The following PELP1 variants were observed in gnomAD, a reference collection of about 807,000 sequenced individuals.
PELP1 encodes proline, glutamate and leucine rich protein 1, also known as proline-, glutamic acid- and leucine-rich protein 1.
PELP1 carries 32 observed loss-of-function variants against 95.5 expected under a neutral mutation model. That is an observed-to-expected ratio of 0.34 (90% CI 0.25 to 0.45). The LOEUF (loss-of-function observed/expected upper bound fraction) is 0.45, where lower values mean the gene tolerates loss of function less well. Ranked by LOEUF, PELP1 falls within the 20% of genes least tolerant of loss-of-function variation. The pLI is 1.00. For synonymous variants in PELP1, 668 were observed against 600.1 expected, an observed-to-expected ratio of 1.11 and a Z score of -1.65; for missense variants, 1,358 against 1,444.8, an observed-to-expected ratio of 0.94 and a Z score of 0.97.
chr17:4,673,605 G>A lies in PELP1; in HGVS notation c.1638+14C>T, dbSNP rs748916138. ...CCCCTTCCCCTATCTCCACGGAGACGAGGCTCCACTAACCCTGTGAGTCTC... is the reference window on the plus strand; with the variant it reads ...CCCCTTCCCCTATCTCCACGGAGACAAGGCTCCACTAACCCTGTGAGTCTC... On this transcript the variant is annotated intron_variant, in intron 14 of 16. Coordinates refer to ENST00000572293, the MANE Select transcript of PELP1 (RefSeq NM_014389.3). The surrounding 1 kb of genome is among the most constrained non-coding windows in gnomAD (Gnocchi z 5.7). 3.9e-5 allele frequency: 63 copies of A among 1,612,412 alleles called. No individual in the cohort carries two copies. The highest frequency in any genetic ancestry group is 6.7e-5 in the Admixed American group (4 of 59,998).
intron 3 of PELP1, among the ~76,000 whole-genome samples, chr17:4,690,335 G>A (rs934128511): frequency 2.6e-5 from 4 of 152,046 alleles, no homozygotes; most frequent in African/African-American, 7.3e-5. Flanking sequence ...TACACTGCTC[G>A]GGTGATGGGT....
At position 4,673,691 on chromosome 17, in the gene PELP1, G is replaced by T. The variant is rs555140131; in HGVS notation, c.1583-17C>A. The T allele has an allele frequency of 1.9e-6, 3 of 1,612,104 alleles. No individual in the cohort carries two copies. Among genetic ancestry groups the T allele is most frequent in the Non-Finnish European group, 2.5e-6 (3 of 1,178,176 alleles). On this transcript the variant is annotated splice_polypyrimidine_tract_variant and intron_variant, in intron 13 of 16. Coordinates refer to ENST00000572293, the MANE Select transcript of PELP1 (RefSeq NM_014389.3). The surrounding 1 kb of genome is among the most constrained non-coding windows in gnomAD (Gnocchi z 5.7). ...GGCTGAGGCCTGGGGAAGAAGAATGGTGTGTAAAGGGTAGGCTCCCAACAG... is the reference window on the plus strand; with the variant it reads ...GGCTGAGGCCTGGGGAAGAAGAATGTTGTGTAAAGGGTAGGCTCCCAACAG...
chr17:4,702,109 C>T (rs1913561828), intron 1 of PELP1, among the ~76,000 whole-genome samples: 1 of 152,070 alleles, frequency 6.6e-6, no homozygotes, highest in Admixed American at 6.6e-5. Flanking sequence ...TAATATTTCA[C>T]AAATACTTAT....
chr17:4,679,943 C>T (rs992236208), intron 5 of PELP1, among the ~76,000 whole-genome samples: 6 of 152,230 alleles, frequency 3.9e-5, no homozygotes, highest in African/African-American at 1.2e-4. Context: ...TCCCTGATCA[C>T]AGCGCTCAGG....
intron 3 of PELP1, among the ~76,000 whole-genome samples, chr17:4,686,078 C>T (rs1156251063): frequency 2.6e-5 from 4 of 152,058 alleles, no homozygotes; most frequent in Admixed American, 6.6e-5. Context: ...GCCTGGGCCA[C>T]AGAGCGAGAC....
At position 4,690,807 on chromosome 17, in the gene PELP1, A is replaced by C; in HGVS notation, c.420+81T>G. 3 of 856,188 alleles carry C rather than the reference A, an allele frequency of 3.5e-6. No homozygotes were observed. In the Admixed American group the frequency reaches 5.6e-5, roughly 16 times the overall value. The allele number at this position is 856,188 out of a possible 1,614,324, so 53.0% of individuals were successfully genotyped here. ...TTCTGTCCCCAGAACTACATGTCCA[A>C]GTTGAAAAGAACATGCCACATCCAA... On this transcript the variant is annotated intron_variant, in intron 3 of 16. Coordinates refer to ENST00000572293, the MANE Select transcript of PELP1 (RefSeq NM_014389.3).
chr17:4,672,228 AAAATATTCCTCTTCATCCTCT>A lies in PELP1; in HGVS notation c.2742_2762del (p.Glu914_Phe921delinsAsp). The A allele has an allele frequency of 6.4e-7, 1 of 1,552,322 alleles. No individual in the cohort carries two copies. Among genetic ancestry groups the A allele is most frequent in the Non-Finnish European group, 8.7e-7 (1 of 1,147,434 alleles). On this transcript the variant is annotated inframe_deletion, in exon 16 of 17. Transcript: ENST00000572293. ...CTTCTTCCTCCTCTTCTTCCTCTTC[AAAATATTCCTCTTCATCCTCT>A]TCCTCTTCCTCAAAGTCTTCCTCCT... is the stretch of plus-strand genomic sequence containing the variant.
At position 4,683,302 on chromosome 17, in the gene PELP1, G is replaced by C. The variant is rs535898949; in HGVS notation, c.421-350C>G. Reference sequence around the variant, plus strand: ...GTGGCGCGATCTCGGCTCACTGCAAGCTCCGCCTCCCGGGTTCACGCCATT... The same window carrying C: ...GTGGCGCGATCTCGGCTCACTGCAACCTCCGCCTCCCGGGTTCACGCCATT... On this transcript the variant is annotated intron_variant, in intron 3 of 16. Coordinates refer to ENST00000572293, the MANE Select transcript of PELP1 (RefSeq NM_014389.3). Among the ~76,000 whole-genome samples, 15 of 148,722 alleles carry C rather than the reference G, an allele frequency of 1.0e-4. No homozygotes were observed. The East Asian group carries it at 2.4e-3, about 24-fold the overall frequency.
At chr17:4,674,478 C>A (rs1745861463) in intron 13 of PELP1, 32 bp downstream of exon 13, 1 of 1,593,976 alleles carries the variant, frequency 6.3e-7, no homozygotes. Context: ...CCCGTTTGAG[C>A]CCCAGTGGTC....
rs772098963 is a variant in PELP1, at chr17:4,671,870, C to T, written c.3121G>A (p.Gly1041Arg). The change falls in exon 16 of 17, where the codon GGG (glycine) becomes AGG (arginine). Residue 1041 changes from glycine (G) to arginine (R), a missense_variant. By Grantham distance (125) the Gly-to-Arg change is moderately radical. Coordinates refer to ENST00000572293, the MANE Select transcript of PELP1 (RefSeq NM_014389.3). ...GGGGGCCCTGCCGCAGGGCTTTCCC[C>T]TTCCCTCTCCACCTCTCCCTGGGAG... is the stretch of plus-strand genomic sequence containing the variant. ...LPSQGEVERE[G>R]ESPAAGPPPQ... is the part of the protein sequence containing the mutation. 9.9e-6 allele frequency: 15 copies of T among 1,514,138 alleles called. No homozygotes were observed. The Admixed American group carries it at 3.3e-4, about 33-fold the overall frequency. The allele number at this position is 1,514,138 out of a possible 1,614,324, so 93.8% of individuals were successfully genotyped here. A position where few individuals can be genotyped will look rare whatever the true frequency, so the allele number is the denominator to read the frequency against.
chr17:4,671,820 CTCT>C lies in PELP1; in HGVS notation c.3168_3170del (p.Glu1057del). 6.6e-6 allele frequency: 10 copies of C among 1,512,536 alleles called. No homozygotes were observed. The South Asian group carries it at 1.2e-4, about 19-fold the overall frequency. The allele number at this position is 1,512,536 out of a possible 1,614,324, so 93.7% of individuals were successfully genotyped here. A position where few individuals can be genotyped will look rare whatever the true frequency, so the allele number is the denominator to read the frequency against. On this transcript the variant is annotated inframe_deletion, in exon 16 of 17. Transcript: ENST00000572293. ...CCAACAGGGTTGGGGGAGCAGAGGG[CTCT>C]TCTTCAACAAGCTCCTGGGGAGGGG...
chr17:4,682,993 T>C, intron 3 of PELP1, 41 bp from the exon 4 acceptor site: 1 of 1,428,500 alleles, frequency 7.0e-7, no homozygotes, highest in Non-Finnish European at 9.2e-7. Flanking sequence ...AGCCTCACCT[T>C]GATTGTCACC....
chr17:4,685,162 G>T (rs1217514838), intron 3 of PELP1, among the ~76,000 whole-genome samples: 1 of 152,014 alleles, frequency 6.6e-6, no homozygotes, highest in Non-Finnish European at 1.5e-5. Context: ...AGTGTCCACT[G>T]CTCCAGCAAA....
chr17:4,670,316 C>T lies in PELP1; in HGVS notation c.*1123G>A, dbSNP rs7222133. 0.67 allele frequency: 102,361 copies of T among 152,030 alleles called. 35,572 individuals carry two copies. The highest frequency in any genetic ancestry group is 1 in the East Asian group (5,162 of 5,174). The allele number at this position is 152,030 out of a possible 1,614,324, so 9.4% of individuals were successfully genotyped here. A position where few individuals can be genotyped will look rare whatever the true frequency, so the allele number is the denominator to read the frequency against. ...TCAACTGACTGAGCAAAAAAAACCACGGGGCCCCTAGTTCAAGCCCACCAA... is the reference window on the plus strand; with the variant it reads ...TCAACTGACTGAGCAAAAAAAACCATGGGGCCCCTAGTTCAAGCCCACCAA... On this transcript the variant is annotated 3_prime_UTR_variant, in exon 17 of 17. Transcript: ENST00000572293.
chr17:4,704,097 A>C lies in PELP1; in HGVS notation c.15T>G (p.Val5=). Residue 5 remains valine, a synonymous_variant, in exon 1 of 17, where the codon GTT becomes GTG. Coordinates refer to ENST00000572293, the MANE Select transcript of PELP1 (RefSeq NM_014389.3). ...CGGAGCCCGCAGAGGGCCCACTCAG[A>C]ACGGCTGCCGCCATCTTCCCCCGGG... The part of the protein sequence containing the change: MAAA[V]LSGPSAGSAA... The C allele has an allele frequency of 6.2e-7, 1 of 1,608,034 alleles. No individual in the cohort carries two copies. The highest frequency in any genetic ancestry group is 1.3e-5 in the African/African-American group (1 of 74,984).
chr17:4,695,357 G>C (rs1029533589), intron 1 of PELP1, among the ~76,000 whole-genome samples: 1 of 149,248 alleles, frequency 6.7e-6, no homozygotes, highest in African/African-American at 2.5e-5. Context: ...AAATTGTATG[G>C]TTTGTGAATT....
At chr17:4,684,841 C>T (rs554587592) in intron 3 of PELP1, among the ~76,000 whole-genome samples, 4 of 152,318 alleles carry the variant, frequency 2.6e-5, no homozygotes, top group Admixed American at 6.5e-5. Context: ...GCTGGGATTA[C>T]AGGCACATGC....
intron 1 of PELP1, chr17:4,691,947 T>C (rs1042625814): frequency 3.3e-5 from 5 of 153,352 alleles, no homozygotes; most frequent in African/African-American, 1.2e-4. Flanking sequence ...TCTCTCACAT[T>C]CTGGAAGCCC....
In PELP1 at chr17:4,682,892, A is replaced by C; in HGVS notation, c.481T>G (p.Tyr161Asp). ...AACAGTGCAGGCAGCTGGGCTGCAT[A>C]TCGGAGGAGGTCCCTCAGGACAGCC... ...AVAVLRDLLR[Y>D]AAQLPALFRD... The change falls in exon 4 of 17, where the codon TAT (tyrosine) becomes GAT (aspartate). Residue 161 changes from tyrosine to aspartate, a missense_variant. By Grantham distance (160) the Tyr-to-Asp change is radical. Coordinates refer to ENST00000572293, the MANE Select transcript of PELP1 (RefSeq NM_014389.3). 2 of 1,591,376 alleles carry C rather than the reference A, an allele frequency of 1.3e-6. No homozygotes were observed. Among genetic ancestry groups the C allele is most frequent in the Non-Finnish European group, 1.7e-6 (2 of 1,170,744 alleles).
Sources: allele counts gnomAD v4.1 joint callset (sites outside exome capture counted in the v4.1 genomes callset), GRCh38; gene constraint gnomAD v4.1.1; non-coding constraint Gnocchi (gnomAD v3.1); transcripts MANE v1.5; gene names NCBI Gene and HGNC (gene_info 2026-07-23, HGNC 2026-07-21).